The following SNX13 variants were observed in gnomAD, a reference collection of about 807,000 sequenced individuals.
The protein encoded by SNX13 is sorting nexin 13.
Under a neutral mutation model 133.6 loss-of-function variants are expected in SNX13, and 45 were observed. The ratio of observed to expected loss-of-function variants is 0.34; its 90% confidence interval spans 0.27 to 0.43. The LOEUF (loss-of-function observed/expected upper bound fraction) is 0.43, where lower values mean the gene tolerates loss of function less well. SNX13 is among the 20% of genes least tolerant of loss of function. SNX13 has a pLI of 1.00. For missense variants in SNX13, 1,032 were observed against 1,145.1 expected, an observed-to-expected ratio of 0.90 and a Z score of 1.43; for synonymous variants, 414 against 373.9, an observed-to-expected ratio of 1.11 and a Z score of -1.24.
chr7:17,921,579 T>C (rs1392417483), intron 1 of SNX13, among the ~76,000 whole-genome samples: 1 of 152,196 alleles, frequency 6.6e-6, no homozygotes, highest in Non-Finnish European at 1.5e-5. Context: ...AGGGTCACGA[T>C]CAAAACCATA....
chr7:17,922,814 C>A (rs1217091203), intron 1 of SNX13, among the ~76,000 whole-genome samples: 1 of 152,074 alleles, frequency 6.6e-6, no homozygotes, highest in East Asian at 1.9e-4. Context: ...CACAACACTA[C>A]CTTTAAGAGT....
intron 1 of SNX13, among the ~76,000 whole-genome samples, chr7:17,939,654 C>A (rs185524511): frequency 1.3e-4 from 20 of 152,300 alleles, no homozygotes; most frequent in African/African-American, 4.6e-4. Context: ...GGGGGCCACA[C>A]GCAAATCAAG....
At chr7:17,834,981 T>C (rs1788971769) in intron 13 of SNX13, 116 bp from the exon 14 acceptor site, 1 of 630,564 alleles carries the variant, frequency 1.6e-6, no homozygotes. Flanking sequence ...TAAGAATCAT[T>C]GGTTTGTAAA....
intron 5 of SNX13, among the ~76,000 whole-genome samples, chr7:17,884,015 G>A (rs1465989288): frequency 6.6e-6 from 1 of 152,140 alleles, no homozygotes; most frequent in Non-Finnish European, 1.5e-5. Context: ...CAGAAATGAT[G>A]TGGCCTACAA....
chr7:17,907,048 T>A (rs1798482209), intron 1 of SNX13, among the ~76,000 whole-genome samples: 2 of 152,174 alleles, frequency 1.3e-5, no homozygotes, highest in Admixed American at 1.3e-4. Flanking sequence ...ATTTTTTGTA[T>A]TGTGTTTATA....
chr7:17,852,462 C>G (rs896939680), intron 9 of SNX13, among the ~76,000 whole-genome samples: 1 of 151,902 alleles, frequency 6.6e-6, no homozygotes, highest in Admixed American at 6.6e-5. Context: ...AGATGTAAAA[C>G]AAAAATAAGG....
rs566695942 is a variant in SNX13 at position 17,939,454 on chromosome 7, A to T, written c.12+830T>A. Among the ~76,000 whole-genome samples the T allele has an allele frequency of 5.3e-5, 8 of 152,374 alleles. No individual in the cohort carries two copies. The South Asian group carries it at 1.7e-3, about 32-fold the overall frequency. ...CACATAACTGGGCTAACCTGGGTCAAGTACCTAGTTGCACCGATTTAGTTC... is the reference window on the plus strand; with the variant it reads ...CACATAACTGGGCTAACCTGGGTCATGTACCTAGTTGCACCGATTTAGTTC... On this transcript the variant is annotated intron_variant, in intron 1 of 25. Coordinates refer to ENST00000428135, the MANE Select transcript of SNX13 (RefSeq NM_015132.5).
At chr7:17,894,291 G>T (rs571681222) in intron 2 of SNX13, among the ~76,000 whole-genome samples, 1 of 150,674 alleles carries the variant, frequency 6.6e-6, no homozygotes, top group African/African-American at 2.4e-5. Context: ...AGTAAGACTC[G>T]CCTCAAAAAA....
At chr7:17,799,816 G>T (rs1442757557) in intron 22 of SNX13, among the ~76,000 whole-genome samples, 1 of 151,732 alleles carries the variant, frequency 6.6e-6, no homozygotes, top group East Asian at 1.9e-4. Context: ...ATGCTTTGAT[G>T]CAAAAAAATA....
intron 1 of SNX13, among the ~76,000 whole-genome samples, chr7:17,913,781 A>T (rs1295501913): frequency 1.3e-5 from 2 of 149,856 alleles, no homozygotes; most frequent in Admixed American, 6.6e-5. Flanking sequence ...AAAAAAAAAA[A>T]AGAAGCAGCA....
chr7:17,938,133 G>A (rs183727223), intron 1 of SNX13, among the ~76,000 whole-genome samples: 1 of 152,182 alleles, frequency 6.6e-6, no homozygotes, highest in Non-Finnish European at 1.5e-5. Context: ...ACTAGTTTAC[G>A]AGGCTTAGAA....
intron 5 of SNX13, among the ~76,000 whole-genome samples, chr7:17,878,525 T>C (rs1794987594): frequency 6.6e-6 from 1 of 152,108 alleles, no homozygotes. Context: ...ATAAAGTGTG[T>C]CTCTCTGAAC....
chr7:17,834,704 CA>C, intron 14 of SNX13, 56 bp downstream of exon 14: 2 of 1,188,638 alleles, frequency 1.7e-6, no homozygotes, highest in Non-Finnish European at 2.4e-6. Flanking sequence ...AATTACATTA[CA>C]TAAAAGTATT....
At chr7:17,883,703 C>T (rs975201846) in intron 5 of SNX13, among the ~76,000 whole-genome samples, 1 of 152,030 alleles carries the variant, frequency 6.6e-6, no homozygotes, top group African/African-American at 2.4e-5. Context: ...TAATGCTATC[C>T]CTCCCCTTGC....
At position 17,803,463 on chromosome 7, in the gene SNX13, T is replaced by G. The variant is rs761034611; in HGVS notation, c.2182A>C (p.Met728Leu). The G allele has an allele frequency of 6.2e-6, 10 of 1,612,606 alleles. No homozygotes were observed. The highest frequency in any genetic ancestry group is 7.6e-6 in the Non-Finnish European group (9 of 1,179,232). Residue 728 changes from methionine (M) to leucine (L), a missense_variant, in exon 21 of 26, where the codon ATG becomes CTG. By Grantham distance (15) the Met-to-Leu change is conservative (BLOSUM62 2). Transcript: ENST00000428135. ...ATGTCTTGACCTAATCTTTCTGACATTTTGCCCATGTTGTCTGACATTTTA... is the reference window on the plus strand; with the variant it reads ...ATGTCTTGACCTAATCTTTCTGACAGTTTGCCCATGTTGTCTGACATTTTA... ...MTKMSDNMGK[M>L]SERLGQDIKQ...
intron 15 of SNX13, chr7:17,831,630 A>C: frequency 1.0e-6 from 1 of 984,298 alleles, no homozygotes; most frequent in Non-Finnish European, 1.2e-6. Context: ...TTTAGGCTCA[A>C]ATGTAGACTA....
At chr7:17,922,288 C>T (rs1800208852) in intron 1 of SNX13, among the ~76,000 whole-genome samples, 1 of 152,184 alleles carries the variant, frequency 6.6e-6, no homozygotes, top group Non-Finnish European at 1.5e-5. Flanking sequence ...GAATTTAAAG[C>T]TAGTGGGGTC....
In SNX13 at chr7:17,826,292, A is replaced by G. The variant is rs141809228; in HGVS notation, c.1636-201T>C. Among the ~76,000 whole-genome samples the G allele has an allele frequency of 2.8e-3, 432 of 152,124 alleles. 12 individuals are homozygous for G. Among genetic ancestry groups the G allele is most frequent in the Admixed American group, 0.025 (388 of 15,264 alleles). ...GAAAAAAAGCAAAGATTAAGAAACA[A>G]TAACAAAAAATTTAGTAATAAACTT... On this transcript the variant is annotated intron_variant, in intron 16 of 25. Transcript: ENST00000428135.
At chr7:17,863,936 A>C (rs1793056681) in intron 9 of SNX13, among the ~76,000 whole-genome samples, 2 of 152,192 alleles carry the variant, frequency 1.3e-5, no homozygotes, top group African/African-American at 2.4e-5. Context: ...TGTATTTAGG[A>C]GTCTCCAAGA....
Sources: gnomAD v4.1 joint callset for allele counts (sites outside exome capture counted in the v4.1 genomes callset) on GRCh38, gnomAD v4.1.1 for gene constraint, MANE v1.5 for transcripts, NCBI Gene and HGNC (gene_info 2026-07-23, HGNC 2026-07-21) for gene names.